MGST2: variants seen among roughly 807,000 people sequenced by gnomAD.
MGST2 encodes microsomal glutathione S-transferase 2, also known as glutathione peroxidase MGST2.
MGST2 carries 9 observed loss-of-function variants against 16.6 expected under a neutral mutation model. The observed-to-expected ratio is 0.54, with a 90% CI of 0.33 to 0.95. The LOEUF (loss-of-function observed/expected upper bound fraction) is 0.95. MGST2 is among the 40% of genes least tolerant of loss of function. The probability of loss-of-function intolerance (pLI) is 0.03; values close to 1 mark genes in which losing one functional copy is unlikely to be tolerated. For synonymous variants in MGST2, 79 were observed against 68.0 expected, an observed-to-expected ratio of 1.16 and a Z score of -0.79; for missense variants, 159 against 175.1, an observed-to-expected ratio of 0.91 and a Z score of 0.52.
At position 139,704,179 on chromosome 4, in the gene MGST2, G is replaced by T; in HGVS notation, c.*31G>T. On this transcript the variant is annotated 3_prime_UTR_variant, in exon 5 of 5. Transcript: ENST00000265498. ...TCTCTTCCCTTTAATACTTGCAGAA[G>T]CTGTTCCCACCATGAAGGTAATATG... 6.2e-7 allele frequency: 1 copy of T among 1,612,166 alleles called. No homozygotes were observed.
intron 1 of MGST2, among the ~76,000 whole-genome samples, chr4:139,673,380 A>G (rs963508908): frequency 2.0e-5 from 3 of 152,042 alleles, no homozygotes; most frequent in Admixed American, 6.6e-5. Context: ...CTAACTCCCC[A>G]ATGGCTTTCA....
chr4:139,721,016 A>G (rs953267568), intron 5 of MGST2, among the ~76,000 whole-genome samples: 8 of 152,242 alleles, frequency 5.3e-5, no homozygotes, highest in African/African-American at 1.9e-4. Context: ...GATTCTCTGA[A>G]TCATAACTTG....
chr4:139,668,723 C>T (rs192858540), intron 1 of MGST2, among the ~76,000 whole-genome samples: 252 of 152,040 alleles, frequency 1.7e-3, no homozygotes, highest in African/African-American at 5.8e-3. Context: ...TGCCAGAGCC[C>T]GCCATTGCTT....
chr4:139,703,941 C>G, intron 4 of MGST2, 75 bp from the exon 5 acceptor site: 10 of 1,580,892 alleles, frequency 6.3e-6, no homozygotes, highest in Non-Finnish European at 8.7e-6. Context: ...AACGATAGGA[C>G]AGCCTACCTC....
At chr4:139,698,203 C>G (rs1727033081) in intron 3 of MGST2, 2 of 1,451,772 alleles carry the variant, frequency 1.4e-6, no homozygotes, top group African/African-American at 1.4e-5. Context: ...ATAATTGTTA[C>G]ACGTTTGGCA....
At chr4:139,727,026 C>T (rs1477515703) in intron 5 of MGST2, among the ~76,000 whole-genome samples, 1 of 152,190 alleles carries the variant, frequency 6.6e-6, no homozygotes, top group Non-Finnish European at 1.5e-5. Context: ...GAATATACAA[C>T]AAGGTCCCTG....
At chr4:139,687,221 A>G (rs1189785897) in intron 2 of MGST2, among the ~76,000 whole-genome samples, 1 of 152,242 alleles carries the variant, frequency 6.6e-6, no homozygotes, top group Non-Finnish European at 1.5e-5. Context: ...ACTTTGAGCA[A>G]CAACACAGTA....
At chr4:139,672,740 G>A (rs951403208) in intron 1 of MGST2, among the ~76,000 whole-genome samples, 8 of 151,998 alleles carry the variant, frequency 5.3e-5, no homozygotes, top group Non-Finnish European at 1.0e-4. Context: ...TAGTAGAGAC[G>A]GGGTTTCACC....
chr4:139,726,969 A>C (rs774706356), intron 5 of MGST2, among the ~76,000 whole-genome samples: 3 of 152,212 alleles, frequency 2.0e-5, no homozygotes, highest in Non-Finnish European at 4.4e-5. Context: ...TGCTCCCTGC[A>C]GCTGCTGAAT....
downstream of MGST2, among the ~76,000 whole-genome samples, chr4:139,743,036 T>G (rs768607351): frequency 1.3e-5 from 2 of 152,140 alleles, no homozygotes; most frequent in Non-Finnish European, 2.9e-5. Context: ...TACCACCCCC[T>G]CATTTTTCCC....
intron 1 of MGST2, among the ~76,000 whole-genome samples, chr4:139,671,106 C>G (rs181817846): frequency 1.5e-3 from 234 of 152,210 alleles, no homozygotes; most frequent in East Asian, 2.9e-3. Context: ...CTTTGTTAGT[C>G]TTATGATCCC....
chr4:139,676,051 CTCT>C (rs1730942578), intron 1 of MGST2, among the ~76,000 whole-genome samples: 1 of 152,154 alleles, frequency 6.6e-6, no homozygotes, highest in Non-Finnish European at 1.5e-5. Flanking sequence ...GGTCTTTGCT[CTCT>C]TTAGTGGCCC....
intron 2 of MGST2, among the ~76,000 whole-genome samples, chr4:139,687,413 G>A (rs559738903): frequency 6.6e-6 from 1 of 152,192 alleles, no homozygotes; most frequent in Non-Finnish European, 1.5e-5. Context: ...TTTATCTGAA[G>A]TAGTTAGAGC....
In MGST2 at chr4:139,735,087, G is replaced by A. The variant is rs1163365892; in HGVS notation, c.*49-5125G>A. Reference sequence around the variant, plus strand: ...CCCGCCCCTCCGCGGCCCCCGCCCCGCGCGTCTGGGCGAGCGCTGCGAACG... The same window carrying A: ...CCCGCCCCTCCGCGGCCCCCGCCCCACGCGTCTGGGCGAGCGCTGCGAACG... On this transcript the variant is annotated intron_variant, in intron 5 of 5. Transcript: ENST00000616265. This position sits in a 1 kb window ranked among gnomAD's most constrained non-coding sequence, Gnocchi z 5.8. Among the ~76,000 whole-genome samples the A allele has an allele frequency of 6.6e-6, 1 of 152,158 alleles. No homozygotes were observed. The highest frequency in any genetic ancestry group is 1.5e-5 in the Non-Finnish European group (1 of 68,026).
At chr4:139,712,704 C>A (rs1727787528) in intron 5 of MGST2, among the ~76,000 whole-genome samples, 1 of 152,152 alleles carries the variant, frequency 6.6e-6, no homozygotes, top group East Asian at 1.9e-4. Flanking sequence ...AAGTGAAATT[C>A]TTTACTTACC....
chr4:139,688,766 T>C (rs577695227), intron 2 of MGST2, among the ~76,000 whole-genome samples: 1 of 152,140 alleles, frequency 6.6e-6, no homozygotes, highest in South Asian at 2.1e-4. Context: ...GTAACCATCA[T>C]GGACAATAGC....
downstream of MGST2, chr4:139,704,322 G>A: frequency 1.3e-6 from 1 of 769,072 alleles, no homozygotes; most frequent in South Asian, 1.7e-5. Context: ...GCTTGGGGTA[G>A]GTACATCCAT....
intron 5 of MGST2, among the ~76,000 whole-genome samples, chr4:139,727,046 G>C: frequency 6.6e-6 from 1 of 152,178 alleles, no homozygotes; most frequent in East Asian, 1.9e-4. Context: ...GTTCTTTAGA[G>C]TGTTCATTAT....
intron 2 of MGST2, among the ~76,000 whole-genome samples, chr4:139,682,060 TG>T (rs1173419588): frequency 6.6e-6 from 1 of 151,740 alleles, no homozygotes; most frequent in Non-Finnish European, 1.5e-5. Flanking sequence ...TAGCCACATG[TG>T]GGTACATACC....
Sources: allele counts gnomAD v4.1 joint callset (sites outside exome capture counted in the v4.1 genomes callset), GRCh38; gene constraint gnomAD v4.1.1; non-coding constraint Gnocchi (gnomAD v3.1); transcripts MANE v1.5; gene names NCBI Gene and HGNC (gene_info 2026-07-23, HGNC 2026-07-21).